Variants in MYZAP observed in about 807,000 individuals in gnomAD.
The protein encoded by MYZAP is myocardial zonula adherens protein.
MYZAP carries 66 observed loss-of-function variants against 69.4 expected under a neutral mutation model. That is an observed-to-expected ratio of 0.95 (90% confidence interval 0.78 to 1.17). The LOEUF is 1.17. Ranked by LOEUF, MYZAP falls within the 50% of genes most tolerant of loss-of-function variation. The pLI is 0.00. For missense variants in MYZAP, 611 were observed against 556.2 expected (o/e 1.10, Z -0.99); for synonymous variants, 256 against 205.9 (o/e 1.24, Z -2.09).
At position 57,663,819 on chromosome 15, in the gene MYZAP, GT is replaced by G. The variant is rs543769114; in HGVS notation, c.1203+2295del. Among the ~76,000 whole-genome samples, 1,370 of 151,286 alleles carry G rather than the reference GT, an allele frequency of 9.1e-3. 30 individuals are homozygous for G. The highest frequency in any genetic ancestry group is 0.032 in the African/African-American group (1,311 of 41,226). ...CTAATAAGCAAGACTTTGAAAACCA[GT>G]TTTTTTTTGAGCATATCAATAATGA... On this transcript the variant is annotated intron_variant, in intron 11 of 12. Coordinates refer to ENST00000267853, the MANE Select transcript of MYZAP (RefSeq NM_001018100.5).
chr15:57,648,458 T>C (rs1329068415), intron 10 of MYZAP: 14 of 985,276 alleles, frequency 1.4e-5, no homozygotes, highest in African/African-American at 1.7e-5. Flanking sequence ...CACGAATGCT[T>C]CTCTCATTCC....
At chr15:57,610,015 C>G (rs914518335) in intron 2 of MYZAP, among the ~76,000 whole-genome samples, 8 of 152,172 alleles carry the variant, frequency 5.3e-5, no homozygotes, top group Non-Finnish European at 8.8e-5. Flanking sequence ...GGCCTCACTG[C>G]ACAGTTGAAT....
At chr15:57,645,630 G>A (rs1595904950) in intron 10 of MYZAP, among the ~76,000 whole-genome samples, 1 of 152,196 alleles carries the variant, frequency 6.6e-6, no homozygotes, top group Non-Finnish European at 1.5e-5. Context: ...ATAAATATTA[G>A]TGGCTGTTAT....
At chr15:57,623,448 A>G (rs1478022983) in intron 4 of MYZAP, among the ~76,000 whole-genome samples, 3 of 152,144 alleles carry the variant, frequency 2.0e-5, no homozygotes, top group Non-Finnish European at 4.4e-5. Flanking sequence ...AGTAGAGGAA[A>G]GTGGACAGGC....
At chr15:57,599,832 G>C in intron 1 of MYZAP, 1 of 603,986 alleles carries the variant, frequency 1.7e-6, no homozygotes, top group African/African-American at 1.9e-5. Context: ...ACTGTCCTTA[G>C]TGCTTCTGTT....
chr15:57,664,484 C>G (rs1205336583), intron 11 of MYZAP, among the ~76,000 whole-genome samples: 4 of 152,202 alleles, frequency 2.6e-5, no homozygotes, highest in Non-Finnish European at 5.9e-5. Context: ...GACGCTGTTC[C>G]TTGCTAATTG....
At chr15:57,662,019 C>T (rs975373051) in intron 11 of MYZAP, among the ~76,000 whole-genome samples, 1 of 152,172 alleles carries the variant, frequency 6.6e-6, no homozygotes, top group Admixed American at 6.5e-5. Context: ...GGCTGAAAGA[C>T]TCCTAAATCC....
intron 10 of MYZAP, chr15:57,647,689 A>G: frequency 1.0e-6 from 1 of 985,364 alleles, no homozygotes; most frequent in Middle Eastern, 5.2e-4. Flanking sequence ...AGAGTACTGC[A>G]TAGCCTGAGA....
rs181174907 is a variant in MYZAP at position 57,640,496 on chromosome 15, A to G, written c.1119+951A>G. Among the ~76,000 whole-genome samples, 1,157 of 152,338 alleles carry G rather than the reference A, an allele frequency of 7.6e-3. 10 individuals carry two copies. The highest frequency in any genetic ancestry group is 0.048 in the South Asian group (234 of 4,830). ...AAAACACATTTTCCTTATATTAAGTACTACTTTAAAAAGTTATGTTTTATT... is the reference window on the plus strand; with the variant it reads ...AAAACACATTTTCCTTATATTAAGTGCTACTTTAAAAAGTTATGTTTTATT... On this transcript the variant is annotated intron_variant, in intron 10 of 12. Coordinates refer to ENST00000267853, the MANE Select transcript of MYZAP (RefSeq NM_001018100.5).
chr15:57,625,142 T>C lies in MYZAP; in HGVS notation c.412-637T>C, dbSNP rs556261668. 2.7e-5 allele frequency among the ~76,000 whole-genome samples: 4 copies of C among 149,986 alleles called. No homozygotes were observed. The East Asian group carries it at 7.7e-4, about 29-fold the overall frequency. ...GCGCCATCTCAGCTCACTGCAACCT[T>C]GGCTCACTGCAACCTCAGCCTCCGG... On this transcript the variant is annotated intron_variant, in intron 4 of 12. Coordinates refer to ENST00000267853, the MANE Select transcript of MYZAP (RefSeq NM_001018100.5).
At position 57,637,793 on chromosome 15, in the gene MYZAP, C is replaced by T. The variant is rs754614130; in HGVS notation, c.1013+19C>T. 17 of 1,595,926 alleles carry T rather than the reference C, an allele frequency of 1.1e-5. No individual in the cohort carries two copies. The East Asian group carries it at 1.6e-4, about 15-fold the overall frequency. ...AGGAAAGGTAAGACGTAATGCCTTT[C>T]GTCTTGTAATGGATTTAGGTTGTGG... On this transcript the variant is annotated intron_variant, in intron 9 of 12. Coordinates refer to ENST00000267853, the MANE Select transcript of MYZAP (RefSeq NM_001018100.5).
chr15:57,666,067 G>A (rs1337795900), intron 11 of MYZAP, among the ~76,000 whole-genome samples: 1 of 152,154 alleles, frequency 6.6e-6, no homozygotes, highest in Non-Finnish European at 1.5e-5. Flanking sequence ...GGCACAGTGC[G>A]AAAGATGGAC....
rs965023857 is a variant in MYZAP, at chr15:57,616,414, C to T, written c.163-1619C>T. 7.2e-5 allele frequency among the ~76,000 whole-genome samples: 11 copies of T among 152,016 alleles called. 1 individual carries two copies. The highest frequency in any genetic ancestry group is 5.2e-4 in the Admixed American group (8 of 15,252). ...CAGCACTTTGGGGGGCCGAGGTGGG[C>T]GGATCACAAGGTCAAGAGCTCGAGA... On this transcript the variant is annotated intron_variant, in intron 2 of 12. Transcript: ENST00000267853.
intron 10 of MYZAP, among the ~76,000 whole-genome samples, chr15:57,654,847 G>A (rs915059301): frequency 4.1e-4 from 62 of 150,848 alleles, no homozygotes; most frequent in African/African-American, 1.2e-3. Context: ...TCTGGTTGAC[G>A]TATAAGCTCT....
At chr15:57,646,483 A>G (rs544825342) in intron 10 of MYZAP, 36 of 1,030,992 alleles carry the variant, frequency 3.5e-5, no homozygotes, top group South Asian at 1.1e-4. Flanking sequence ...AGGAACTGCA[A>G]TGAAAAAGGC....
At chr15:57,668,890 ATATATT>A (rs1411017294) in intron 11 of MYZAP, among the ~76,000 whole-genome samples, 3 of 111,678 alleles carry the variant, frequency 2.7e-5, no homozygotes, top group South Asian at 3.0e-4. Flanking sequence ...ATATATATAT[ATATATT>A]TTTTTTTTTT....
intron 11 of MYZAP, among the ~76,000 whole-genome samples, chr15:57,671,244 G>C (rs1161896202): frequency 5.3e-5 from 8 of 151,956 alleles, no homozygotes; most frequent in Non-Finnish European, 1.2e-4. Context: ...ATTGTTTCTG[G>C]GTTCCATGGT....
intron 10 of MYZAP, among the ~76,000 whole-genome samples, chr15:57,657,964 T>C (rs900810236): frequency 1.3e-5 from 2 of 152,188 alleles, no homozygotes; most frequent in South Asian, 2.1e-4. Context: ...AGGGTAACCA[T>C]TGCTGTTTTT....
At chr15:57,654,835 G>A (rs549632639) in intron 10 of MYZAP, among the ~76,000 whole-genome samples, 1 of 151,634 alleles carries the variant, frequency 6.6e-6, no homozygotes, top group East Asian at 1.9e-4. Flanking sequence ...ATTTCACTTT[G>A]GTCTGGTTGA....
Sources: gnomAD v4.1 joint callset for allele counts (sites outside exome capture counted in the v4.1 genomes callset) on GRCh38, gnomAD v4.1.1 for gene constraint, MANE v1.5 for transcripts, NCBI Gene and HGNC (gene_info 2026-07-23, HGNC 2026-07-21) for gene names.